Variants in TSBP1 observed in about 807,000 individuals in gnomAD.
TSBP1 encodes testis expressed basic protein 1.
TSBP1 carries 56 observed loss-of-function variants against 68.8 expected under a neutral mutation model. The ratio of observed to expected loss-of-function variants is 0.81; its 90% confidence interval spans 0.66 to 1.02. The LOEUF is 1.02. Ranked by LOEUF, TSBP1 falls within the 50% of genes least tolerant of loss-of-function variation. The pLI, the probability that TSBP1 is intolerant of heterozygous loss-of-function variation, is 0.00. For missense variants in TSBP1, 502 were observed against 641.2 expected (o/e 0.78, Z 2.34); for synonymous variants, 171 against 208.7 (o/e 0.82, Z 1.56).
rs1425217940 is a variant in TSBP1 at position 32,338,599 on chromosome 6, T to C, written c.409+380A>G. Among the ~76,000 whole-genome samples the C allele has an allele frequency of 6.6e-6, 1 of 152,212 alleles. No homozygotes were observed. The highest frequency in any genetic ancestry group is 2.4e-5 in the African/African-American group (1 of 41,462). On this transcript the variant is annotated intron_variant, in intron 11 of 22. Transcript: ENST00000612031. This position sits in a 1 kb window ranked among gnomAD's most constrained non-coding sequence, Gnocchi z 5.5. ...ATCAGTGACAGTCTGGGATCCTCGG[T>C]CAGTGAGCTGGGACTCACTGCATGT...
At chr6:32,299,869 A>G in intron 22 of TSBP1, 53 bp downstream of exon 25, 18 of 1,466,036 alleles carry the variant, frequency 1.2e-5, no homozygotes, top group Non-Finnish European at 1.6e-5. Context: ...CAGGTCACAA[A>G]AGAATTAAAA....
rs143224627 is a variant in TSBP1 at position 32,349,220 on chromosome 6, A to G, written c.349+520T>C. ...CTTTTTTTTTTTTTTTTTGCAGGGG[A>G]CAGGGCAGGAATGAGTATCAGAACC... On this transcript the variant is annotated intron_variant, in intron 9 of 22. Transcript: ENST00000612031. Among the ~76,000 whole-genome samples the G allele has an allele frequency of 6.8e-3, 942 of 138,670 alleles. 11 individuals carry two copies. Among genetic ancestry groups the G allele is most frequent in the East Asian group, 0.02 (99 of 4,834 alleles). The allele number at this position is 138,670 out of a possible 152,430, so 91.0% of individuals were successfully genotyped here.
At chr6:32,346,890 A>C (rs1398721707) in intron 9 of TSBP1, among the ~76,000 whole-genome samples, 1 of 152,166 alleles carries the variant, frequency 6.6e-6, no homozygotes, top group Non-Finnish European at 1.5e-5. Context: ...ACAAAATTGC[A>C]GTTAGATGGG....
rs974335556 is a variant in TSBP1 at position 32,306,239 on chromosome 6, T to C, written c.581-3610A>G. The stretch of plus-strand genomic sequence containing the variant: ...GGGGAATTATGTAAACAACTAATTA[T>C]GTTTTGTTAAAGATTTACGGGAGCA... On this transcript the variant is annotated intron_variant, in intron 19 of 22. Coordinates refer to ENST00000612031, the Ensembl canonical transcript of TSBP1. The surrounding 1 kb of genome is among the most constrained non-coding windows in gnomAD (Gnocchi z 5.1). Among the ~76,000 whole-genome samples, 1 of 152,254 alleles carries C rather than the reference T, an allele frequency of 6.6e-6. No individual in the cohort carries two copies. Among genetic ancestry groups the C allele is most frequent in the African/African-American group, 2.4e-5 (1 of 41,466 alleles).
chr6:32,309,194 C>A (rs1766115470), intron 19 of TSBP1, among the ~76,000 whole-genome samples: 1 of 152,162 alleles, frequency 6.6e-6, no homozygotes, highest in Non-Finnish European at 1.5e-5. Flanking sequence ...AAGCAATCCA[C>A]CTGCCCTGGC....
At chr6:32,330,820 G>C (rs1361531236) in intron 15 of TSBP1, among the ~76,000 whole-genome samples, 1 of 150,400 alleles carries the variant, frequency 6.6e-6, no homozygotes, top group Non-Finnish European at 1.5e-5. Context: ...ACAGGTGCCC[G>C]CCACCATGCC....
chr6:32,365,818 G>T lies in TSBP1; in HGVS notation c.217+349C>A. The T allele has an allele frequency of 2.4e-6, 1 of 422,896 alleles. No individual in the cohort carries two copies. Among genetic ancestry groups the T allele is most frequent in the Admixed American group, 3.0e-5 (1 of 33,692 alleles). The allele number at this position is 422,896 out of a possible 1,614,324, so 26.2% of individuals were successfully genotyped here. On this transcript the variant is annotated intron_variant, in intron 6 of 22. Coordinates refer to ENST00000612031, the Ensembl canonical transcript of TSBP1. This position sits in a 1 kb window ranked among gnomAD's most constrained non-coding sequence, Gnocchi z 4.3. ...GACAGCGTGCTGGAACTTCTCTGCT[G>T]GACTCCTGGACTCCCACAATGGTAT...
At chr6:32,330,858 A>T (rs1226375642) in intron 15 of TSBP1, among the ~76,000 whole-genome samples, 6 of 152,010 alleles carry the variant, frequency 3.9e-5, no homozygotes, top group African/African-American at 1.5e-4. Flanking sequence ...TTTAGTAGAG[A>T]TGGGGTTTCA....
rs1388261917 is a variant in TSBP1 at position 32,302,983 on chromosome 6, A to G, written c.581-354T>C. 6.6e-6 allele frequency among the ~76,000 whole-genome samples: 1 copy of G among 152,232 alleles called. No homozygotes were observed. Among genetic ancestry groups the G allele is most frequent in the African/African-American group, 2.4e-5 (1 of 41,466 alleles). On this transcript the variant is annotated intron_variant, in intron 19 of 22. Coordinates refer to ENST00000612031, the Ensembl canonical transcript of TSBP1. This position sits in a 1 kb window ranked among gnomAD's most constrained non-coding sequence, Gnocchi z 5.1. ...CCCCATCTTGGTTTAACAAAAGTCAAAATCACAACAGTGGCTTTCAAAGAT... is the reference window on the plus strand; with the variant it reads ...CCCCATCTTGGTTTAACAAAAGTCAGAATCACAACAGTGGCTTTCAAAGAT...
chr6:32,366,806 C>G (rs1236053967), intron 4 of TSBP1, among the ~76,000 whole-genome samples: 2 of 148,282 alleles, frequency 1.3e-5, no homozygotes, highest in Non-Finnish European at 3.0e-5. Context: ...TAGTCTCAAT[C>G]CAACTACTAA....
intron 16 of TSBP1, 59 bp downstream of exon 17, chr6:32,330,530 C>T: frequency 6.5e-7 from 1 of 1,535,976 alleles, no homozygotes; most frequent in Non-Finnish European, 9.0e-7. Flanking sequence ...GGAACAGGCC[C>T]TCTAGACACT....
intron 4 of TSBP1, among the ~76,000 whole-genome samples, chr6:32,367,561 T>C (rs1773894520): frequency 6.6e-6 from 1 of 152,228 alleles, no homozygotes; most frequent in Non-Finnish European, 1.5e-5. Context: ...TTTGTTTACC[T>C]CTTCTACTGT....
rs1765552366 is a variant in TSBP1 at position 32,304,070 on chromosome 6, A to G, written c.581-1441T>C. ...ACTTAACTCTCTAACCAGAAGAACA[A>G]ATTGATTTTGGTCCTTTCTATGTGG... is the stretch of plus-strand genomic sequence containing the variant. On this transcript the variant is annotated intron_variant, in intron 19 of 22. Transcript: ENST00000612031. The surrounding 1 kb of genome is among the most constrained non-coding windows in gnomAD (Gnocchi z 4.8). Among the ~76,000 whole-genome samples the G allele has an allele frequency of 6.6e-6, 1 of 152,112 alleles. No individual in the cohort carries two copies. Among genetic ancestry groups the G allele is most frequent in the Non-Finnish European group, 1.5e-5 (1 of 68,014 alleles).
rs1206820790 is a variant in TSBP1, at chr6:32,326,280, G to T, written c.515-2666C>A. The T allele has an allele frequency of 9.4e-6, 7 of 745,596 alleles. No homozygotes were observed. The Admixed American group carries it at 1.2e-4, about 13-fold the overall frequency. The allele number at this position is 745,596 out of a possible 1,614,324, so 46.2% of individuals were successfully genotyped here. A position where few individuals can be genotyped will look rare whatever the true frequency, so the allele number is the denominator to read the frequency against. Reference sequence around the variant, plus strand: ...CTCAGCCAAGCACAGTGGTGGCAGGGCCTAGCTGGTACAAAGAAGACATGT... The same window carrying T: ...CTCAGCCAAGCACAGTGGTGGCAGGTCCTAGCTGGTACAAAGAAGACATGT... On this transcript the variant is annotated intron_variant, in intron 16 of 22. Transcript: ENST00000612031.
intron 14 of TSBP1, among the ~76,000 whole-genome samples, chr6:32,334,242 A>C (rs1394946301): frequency 6.6e-6 from 1 of 150,702 alleles, no homozygotes; most frequent in Non-Finnish European, 1.5e-5. Context: ...TCTGCTTCCA[A>C]TTTTCTTCCT....
In TSBP1 at chr6:32,293,097, C is replaced by A. The variant is rs1346728648; in HGVS notation, c.1576G>T (p.Gly526Ter). The change falls in exon 23 of 23, where the codon GGA becomes TGA. Residue 526 changes from glycine (G) to a stop codon, truncating the protein, a stop_gained. Transcript: ENST00000612031. LOFTEE classifies it low-confidence loss of function (END_TRUNC). ...CTCTTTCCTTTAACTTTGTCCTTTC[C>A]TTTGTCACCTTTTGTGTTTTTGTCA... is the stretch of plus-strand genomic sequence containing the variant. 5.6e-6 allele frequency: 9 copies of A among 1,605,752 alleles called. No homozygotes were observed. Among genetic ancestry groups the A allele is most frequent in the Non-Finnish European group, 7.7e-6 (9 of 1,174,092 alleles).
At chr6:32,293,650 A>T (rs1325831011) in exon 23 of TSBP1, 2 of 1,612,382 alleles carry the variant, frequency 1.2e-6, no homozygotes, top group South Asian at 2.2e-5. Flanking sequence ...CACCTGACTC[A>T]CTCTTCTTTA....
intron 17 of TSBP1, 133 bp downstream of exon 18, chr6:32,323,458 A>G: frequency 1.2e-6 from 1 of 814,712 alleles, no homozygotes; most frequent in Non-Finnish European, 2.1e-6. Flanking sequence ...CAGAAGGCAG[A>G]GGAAACTGGA....
In TSBP1 at chr6:32,369,885, A is replaced by C. The variant is rs1302814102; in HGVS notation, c.100+12T>G. On this transcript the variant is annotated intron_variant, in intron 2 of 22. Coordinates refer to ENST00000612031, the Ensembl canonical transcript of TSBP1. ...TCACAGGAAATCTTCATTTTGACTC[A>C]TTATTACTCACCACTTTGCTTACAT... 1 of 1,531,284 alleles carries C rather than the reference A, an allele frequency of 6.5e-7. No homozygotes were observed. The highest frequency in any genetic ancestry group is 1.4e-5 in the African/African-American group (1 of 73,462). The allele number at this position is 1,531,284 out of a possible 1,614,324, so 94.9% of individuals were successfully genotyped here.
Sources: gnomAD v4.1 joint callset for allele counts (sites outside exome capture counted in the v4.1 genomes callset) on GRCh38, gnomAD v4.1.1 for gene constraint, Gnocchi (gnomAD v3.1) non-coding constraint, MANE v1.5 for transcripts, NCBI Gene and HGNC (gene_info 2026-07-23, HGNC 2026-07-21) for gene names.